Variants in AGMO observed in about 807,000 individuals in gnomAD.
AGMO encodes the protein glyceryl-ether monooxygenase.
AGMO carries 75 observed loss-of-function variants against 60.2 expected under a neutral mutation model. The ratio of observed to expected loss-of-function variants is 1.25; its 90% CI spans 1.03 to 1.51. The LOEUF is 1.51. Ranked by LOEUF, AGMO falls within the 40% of genes most tolerant of loss-of-function variation. The pLI is 0.00. For synonymous variants in AGMO, 261 were observed against 177.1 expected (o/e 1.47, Z -3.76); for missense variants, 763 against 525.5 (o/e 1.45, Z -4.42).
intron 3 of AGMO, among the ~76,000 whole-genome samples, chr7:15,475,304 A>G (rs1257145063): frequency 2.6e-5 from 4 of 152,150 alleles, no homozygotes; most frequent in African/African-American, 9.7e-5. Context: ...ATGCCCATCA[A>G]TGACAGACTG....
intron 12 of AGMO, among the ~76,000 whole-genome samples, chr7:15,265,244 A>T (rs926101755): frequency 6.6e-6 from 1 of 152,022 alleles, no homozygotes; most frequent in Non-Finnish European, 1.5e-5. Flanking sequence ...AATACACATG[A>T]ACATAAAGAT....
At chr7:15,272,614 G>C (rs1253787839) in intron 12 of AGMO, among the ~76,000 whole-genome samples, 1 of 152,034 alleles carries the variant, frequency 6.6e-6, no homozygotes, top group Non-Finnish European at 1.5e-5. Flanking sequence ...CTTTACAGCA[G>C]CATGGTTTAT....
At chr7:15,374,485 C>G (rs962835567) in intron 10 of AGMO, among the ~76,000 whole-genome samples, 1 of 151,800 alleles carries the variant, frequency 6.6e-6, no homozygotes. Flanking sequence ...TTTATAAATA[C>G]CAAAATATTA....
intron 12 of AGMO, among the ~76,000 whole-genome samples, chr7:15,258,092 A>G (rs1195830004): frequency 6.6e-6 from 1 of 152,154 alleles, no homozygotes; most frequent in Non-Finnish European, 1.5e-5. Flanking sequence ...TTATAACAAC[A>G]CTATCCGTAT....
chr7:15,374,084 A>C (rs2128567323), intron 10 of AGMO, among the ~76,000 whole-genome samples: 1 of 152,324 alleles, frequency 6.6e-6, no homozygotes, highest in East Asian at 1.9e-4. Context: ...GAAGGCTTGA[A>C]GATGCTTCTC....
chr7:15,378,904 T>C (rs996566891), intron 10 of AGMO, among the ~76,000 whole-genome samples: 3 of 151,992 alleles, frequency 2.0e-5, no homozygotes, highest in Non-Finnish European at 4.4e-5. Context: ...ACTGAAATCA[T>C]AACCCACATT....
At chr7:15,432,377 T>C (rs754844823) in intron 3 of AGMO, among the ~76,000 whole-genome samples, 2 of 137,102 alleles carry the variant, frequency 1.5e-5, no homozygotes, top group African/African-American at 5.8e-5. Context: ...CACATATATA[T>C]ATACACTATC....
At chr7:15,275,339 G>T (rs1783751391) in intron 12 of AGMO, among the ~76,000 whole-genome samples, 2 of 151,956 alleles carry the variant, frequency 1.3e-5, no homozygotes, top group Non-Finnish European at 2.9e-5. Context: ...ACATGAATTT[G>T]TGTAGTTTTA....
chr7:15,262,435 T>C (rs1021595429), intron 12 of AGMO, among the ~76,000 whole-genome samples: 8 of 151,850 alleles, frequency 5.3e-5, no homozygotes, highest in African/African-American at 1.7e-4. Context: ...CATGAAAAAC[T>C]TCTACAAGAA....
At chr7:15,429,329 C>T (rs1310088610) in intron 4 of AGMO, among the ~76,000 whole-genome samples, 2 of 151,948 alleles carry the variant, frequency 1.3e-5, no homozygotes, top group East Asian at 3.9e-4. Context: ...TGGAGTATGG[C>T]AAGTCCCTAA....
At chr7:15,502,646 C>T (rs1287439704) in intron 3 of AGMO, among the ~76,000 whole-genome samples, 1 of 151,910 alleles carries the variant, frequency 6.6e-6, no homozygotes, top group African/African-American at 2.4e-5. Flanking sequence ...AGATGAACTA[C>T]AGAAAGGAAG....
intron 12 of AGMO, among the ~76,000 whole-genome samples, chr7:15,322,661 AATAT>A (rs367959088): frequency 1.6e-5 from 1 of 63,984 alleles, no homozygotes; most frequent in African/African-American, 6.9e-5. Context: ...TATATATATA[AATAT>A]ATATAAATAT....
intron 12 of AGMO, among the ~76,000 whole-genome samples, chr7:15,242,535 T>C (rs1281286843): frequency 6.6e-6 from 1 of 152,150 alleles, no homozygotes; most frequent in African/African-American, 2.4e-5. Flanking sequence ...TGCTAACTGG[T>C]GGGTGTAAAG....
At chr7:15,284,427 A>C (rs1209649250) in intron 12 of AGMO, among the ~76,000 whole-genome samples, 1 of 152,130 alleles carries the variant, frequency 6.6e-6, no homozygotes, top group African/African-American at 2.4e-5. Flanking sequence ...AGATCATTTG[A>C]GACTACCATA....
chr7:15,331,621 G>A, intron 12 of AGMO, among the ~76,000 whole-genome samples: 1 of 151,962 alleles, frequency 6.6e-6, no homozygotes, highest in East Asian at 1.9e-4. Context: ...TATTTCCCAG[G>A]CTCATTTTTA....
At chr7:15,342,321 G>C (rs564981319) in intron 12 of AGMO, among the ~76,000 whole-genome samples, 63 of 151,982 alleles carry the variant, frequency 4.1e-4, no homozygotes, top group African/African-American at 1.4e-3. Context: ...GTGAAGACCA[G>C]AAAACAAAGG....
At chr7:15,279,893 C>G (rs76231674) in intron 12 of AGMO, among the ~76,000 whole-genome samples, 3,352 of 152,226 alleles carry the variant, frequency 0.022, 121 homozygotes, top group African/African-American at 0.077. Flanking sequence ...GTAGGGAGAG[C>G]CTTGTGTGCA....
At chr7:15,163,219 T>C in the AGMO span, among the ~76,000 whole-genome samples, 1 of 152,206 alleles carries the variant, frequency 6.6e-6, no homozygotes, top group African/African-American at 2.4e-5. Flanking sequence ...TAGGAGTCTT[T>C]TGAAGGGATC....
the AGMO span, among the ~76,000 whole-genome samples, chr7:15,144,865 T>A: frequency 6.6e-6 from 1 of 152,260 alleles, no homozygotes; most frequent in South Asian, 2.1e-4. Flanking sequence ...AGTCTCGCTC[T>A]GCCGCCCAGG....
Sources: allele counts gnomAD v4.1 joint callset (sites outside exome capture counted in the v4.1 genomes callset), GRCh38; gene constraint gnomAD v4.1.1; transcripts MANE v1.5; gene names NCBI Gene and HGNC (gene_info 2026-07-23, HGNC 2026-07-21).